Variants in CCBE1 observed in about 807,000 individuals in gnomAD.
CCBE1 encodes the protein collagen and calcium-binding EGF domain-containing protein 1.
Under a neutral mutation model 50.0 loss-of-function variants are expected in CCBE1, and 37 were observed. The observed-to-expected ratio is 0.74, with a 90% CI of 0.57 to 0.97. CCBE1 has a LOEUF of 0.97. Ranked by LOEUF, CCBE1 falls within the 50% of genes least tolerant of loss-of-function variation. The pLI, the probability that CCBE1 is intolerant of heterozygous loss-of-function variation, is 0.00. For missense variants in CCBE1, 538 were observed against 523.8 expected, an observed-to-expected ratio of 1.03 and a Z score of -0.26; for synonymous variants, 234 against 203.7, an observed-to-expected ratio of 1.15 and a Z score of -1.27.
chr18:59,650,891 C>T (rs1315874884), intron 2 of CCBE1, among the ~76,000 whole-genome samples: 1 of 151,816 alleles, frequency 6.6e-6, no homozygotes, highest in Non-Finnish European at 1.5e-5. Flanking sequence ...AACAAAGATT[C>T]CTTTCCTGGC....
intron 2 of CCBE1, among the ~76,000 whole-genome samples, chr18:59,673,580 T>C (rs751433530): frequency 5.1e-4 from 77 of 152,326 alleles, no homozygotes; most frequent in Non-Finnish European, 1.0e-3. Flanking sequence ...AAAAACAAGG[T>C]CATAAATAGC....
chr18:59,485,340 C>T (rs1033035041), intron 2 of CCBE1, among the ~76,000 whole-genome samples: 7 of 152,138 alleles, frequency 4.6e-5, no homozygotes, highest in Admixed American at 1.3e-4. Context: ...GAAGGAAAAA[C>T]TACATCAGAA....
intron 2 of CCBE1, among the ~76,000 whole-genome samples, chr18:59,489,987 GTTTT>G (rs199609938): frequency 8.2e-6 from 1 of 122,238 alleles, no homozygotes; most frequent in African/African-American, 3.2e-5. Flanking sequence ...CGCATAAGGA[GTTTT>G]TTTTTTTTTT....
intron 2 of CCBE1, among the ~76,000 whole-genome samples, chr18:59,511,629 T>G (rs913391331): frequency 1.3e-5 from 2 of 152,264 alleles, no homozygotes; most frequent in Admixed American, 6.5e-5. Context: ...ATTATTCTGT[T>G]CTAGCTTCTT....
intron 2 of CCBE1, among the ~76,000 whole-genome samples, chr18:59,601,380 T>C (rs559138993): frequency 1.6e-4 from 25 of 152,118 alleles, no homozygotes; most frequent in South Asian, 2.1e-4. Flanking sequence ...TCACGAGATC[T>C]GATGGTTTTA....
intron 2 of CCBE1, among the ~76,000 whole-genome samples, chr18:59,553,743 T>C (rs1171047304): frequency 2.0e-5 from 3 of 152,220 alleles, no homozygotes; most frequent in Admixed American, 2.0e-4. Context: ...CACTGCTGTT[T>C]TCAGCTACCC....
Position 59,439,530 on chromosome 18 carries a change from T to G in CCBE1, c.951+13A>C. 1 of 1,614,190 alleles carries G rather than the reference T, an allele frequency of 6.2e-7. No individual in the cohort carries two copies. The highest frequency in any genetic ancestry group is 8.5e-7 in the Non-Finnish European group (1 of 1,180,022). ...GAGACCTTTAGCTTGTGAGGACCACTCATAAGGCTTACCTTAGAACCATCT... is the reference window on the plus strand; with the variant it reads ...GAGACCTTTAGCTTGTGAGGACCACGCATAAGGCTTACCTTAGAACCATCT... On this transcript the variant is annotated intron_variant, in intron 9 of 10. Coordinates refer to ENST00000439986, the MANE Select transcript of CCBE1 (RefSeq NM_133459.4).
chr18:59,564,897 A>G (rs61334961), intron 2 of CCBE1, among the ~76,000 whole-genome samples: 3,739 of 152,370 alleles, frequency 0.025, 166 homozygotes, highest in African/African-American at 0.086. Flanking sequence ...AAAGGCCATC[A>G]ACAGGGGGAC....
chr18:59,632,319 C>G (rs138990399), intron 2 of CCBE1, among the ~76,000 whole-genome samples: 4 of 152,166 alleles, frequency 2.6e-5, no homozygotes, highest in Non-Finnish European at 5.9e-5. Flanking sequence ...GAGACTGAGT[C>G]TTGCTCTATT....
chr18:59,595,858 G>A (rs1164404744), intron 2 of CCBE1, among the ~76,000 whole-genome samples: 1 of 152,174 alleles, frequency 6.6e-6, no homozygotes, highest in East Asian at 1.9e-4. Context: ...TACCACAGTG[G>A]TGGCCCTCTC....
At chr18:59,439,204 G>A (rs1445564160) in intron 9 of CCBE1, among the ~76,000 whole-genome samples, 3 of 152,144 alleles carry the variant, frequency 2.0e-5, no homozygotes, top group Admixed American at 1.3e-4. Flanking sequence ...GGAGAATGGC[G>A]TGAACTCGGG....
At position 59,479,571 on chromosome 18, in the gene CCBE1, C is replaced by A. The variant is rs111785867; in HGVS notation, c.265+615G>T. Reference sequence around the variant, plus strand: ...CCATAATTTAACCCACATACTAATACTACCCTGTAAGAACTAAGGCTTAGA... The same window carrying A: ...CCATAATTTAACCCACATACTAATAATACCCTGTAAGAACTAAGGCTTAGA... On this transcript the variant is annotated intron_variant, in intron 3 of 10. Transcript: ENST00000439986. Among the ~76,000 whole-genome samples, 1,522 of 152,344 alleles carry A rather than the reference C, an allele frequency of 1.0e-2. 25 individuals are homozygous for A. Among genetic ancestry groups the A allele is most frequent in the African/African-American group, 0.035 (1,458 of 41,576 alleles).
intron 2 of CCBE1, among the ~76,000 whole-genome samples, chr18:59,579,715 T>C (rs991568123): frequency 6.6e-6 from 1 of 152,238 alleles, no homozygotes; most frequent in South Asian, 2.1e-4. Context: ...AGGCTCTTAC[T>C]GCGTTAGTGT....
At chr18:59,613,959 T>C (rs2144589700) in intron 2 of CCBE1, among the ~76,000 whole-genome samples, 1 of 146,060 alleles carries the variant, frequency 6.8e-6, no homozygotes, top group African/African-American at 2.5e-5. Flanking sequence ...ACTGCAACTC[T>C]GCCTCCCTGG....
At chr18:59,623,600 C>T (rs947882010) in intron 2 of CCBE1, among the ~76,000 whole-genome samples, 2 of 152,148 alleles carry the variant, frequency 1.3e-5, no homozygotes, top group African/African-American at 4.8e-5. Flanking sequence ...AATCAATGGC[C>T]GTGAGTTTCT....
At chr18:59,674,422 G>A (rs543669882) in intron 2 of CCBE1, among the ~76,000 whole-genome samples, 1 of 152,032 alleles carries the variant, frequency 6.6e-6, no homozygotes, top group Non-Finnish European at 1.5e-5. Context: ...TGAACAATGA[G>A]AACACATGGA....
intron 2 of CCBE1, among the ~76,000 whole-genome samples, chr18:59,496,906 T>C (rs1186216251): frequency 1.3e-5 from 2 of 152,226 alleles, no homozygotes; most frequent in African/African-American, 4.8e-5. Flanking sequence ...GGCAGCTGTT[T>C]TAAAGACAGG....
chr18:59,650,266 C>A (rs186135920), intron 2 of CCBE1, among the ~76,000 whole-genome samples: 22 of 151,000 alleles, frequency 1.5e-4, no homozygotes, highest in African/African-American at 5.4e-4. Flanking sequence ...CACCCCTGCC[C>A]AGATACAAAG....
At chr18:59,446,619 ACT>A (rs1234742571) in intron 7 of CCBE1, among the ~76,000 whole-genome samples, 1 of 152,134 alleles carries the variant, frequency 6.6e-6, no homozygotes. Context: ...TCCGTGAAGA[ACT>A]CTGAGCTTTT....
Sources: gnomAD v4.1 joint callset for allele counts (sites outside exome capture counted in the v4.1 genomes callset) on GRCh38, gnomAD v4.1.1 for gene constraint, MANE v1.5 for transcripts, NCBI Gene and HGNC (gene_info 2026-07-23, HGNC 2026-07-21) for gene names.